LGI2: variants seen among roughly 807,000 people sequenced by gnomAD.
The protein encoded by LGI2 is leucine-rich repeat LGI family member 2.
In LGI2, 30 loss-of-function variants were observed where a neutral mutation model predicts 52.0. The ratio of observed to expected loss-of-function variants is 0.58; its 90% confidence interval spans 0.43 to 0.78. The LOEUF is 0.78. Among genes scored for constraint, LGI2 ranks in the 30% least tolerant of loss-of-function variants. The pLI, the probability that LGI2 is intolerant of heterozygous loss-of-function variation, is 0.00. For synonymous variants in LGI2, 270 were observed against 271.8 expected, an observed-to-expected ratio of 0.99 and a Z score of 0.06; for missense variants, 573 against 692.5, an observed-to-expected ratio of 0.83 and a Z score of 1.94.
At chr4:25,005,084 C>A (rs1725358188) in intron 7 of LGI2, among the ~76,000 whole-genome samples, 1 of 152,070 alleles carries the variant, frequency 6.6e-6, no homozygotes, top group Admixed American at 6.6e-5. Flanking sequence ...GTACCTAGAG[C>A]AGTCAGATGC....
rs780659016 is a variant in LGI2, at chr4:25,004,086, C to T, written c.1003G>A (p.Asp335Asn). The T allele has an allele frequency of 1.7e-5, 27 of 1,614,130 alleles. No individual in the cohort carries two copies. Among genetic ancestry groups the T allele is most frequent in the Non-Finnish European group, 2.0e-5 (24 of 1,180,036 alleles). Reference sequence around the variant, plus strand: ...GCGATGACAAAGAACGTCTCGTCGTCGATCTGAAACAGCTCGATGTCATTG... The same window carrying T: ...GCGATGACAAAGAACGTCTCGTCGTTGATCTGAAACAGCTCGATGTCATTG... ...KPNDIELFQI[D>N]DETFFVIADS... Residue 335 changes from aspartate to asparagine, a missense_variant, in exon 8 of 8, where the codon GAC (aspartate) becomes AAC (asparagine). Coordinates refer to ENST00000382114, the MANE Select transcript of LGI2 (RefSeq NM_018176.4). The surrounding 1 kb of genome is among the most constrained non-coding windows in gnomAD (Gnocchi z 4.6).
downstream of LGI2, among the ~76,000 whole-genome samples, chr4:24,994,783 C>T (rs17406815): frequency 0.12 from 18,730 of 152,090 alleles, 1,243 homozygotes; most frequent in South Asian, 0.26. Context: ...GGCAGAGAAT[C>T]GGGGCTTGTG....
downstream of LGI2, among the ~76,000 whole-genome samples, chr4:24,994,508 A>C (rs1441690856): frequency 1.3e-5 from 2 of 152,206 alleles, no homozygotes; most frequent in Non-Finnish European, 2.9e-5. Context: ...CTATAGGTGC[A>C]ATGAGGTGAA....
At position 25,003,775 on chromosome 4, in the gene LGI2, G is replaced by C. The variant is rs997053037; in HGVS notation, c.1314C>G (p.Arg438=). 4 of 1,614,042 alleles carry C rather than the reference G, an allele frequency of 2.5e-6. No homozygotes were observed. In the African/African-American group the frequency reaches 5.3e-5, roughly 22 times the overall value. Residue 438 remains arginine (R), a synonymous_variant, in exon 8 of 8, where the codon CGC becomes CGG. Coordinates refer to ENST00000382114, the MANE Select transcript of LGI2 (RefSeq NM_018176.4). ...MQNTLYLSLT[R]FIGDSRVMRW... ...TCATGACCCGGGAGTCCCCGATGAA[G>C]CGGGTAAGGGAAAGGTAGAGGGTAT... is the stretch of plus-strand genomic sequence containing the variant.
At chr4:25,012,542 C>T (rs781482684) in intron 6 of LGI2, 43 bp from the exon 7 acceptor site, 1 of 1,596,398 alleles carries the variant, frequency 6.3e-7, no homozygotes, top group African/African-American at 1.3e-5. Context: ...ATAAAATCTC[C>T]TGTAGGGATT....
Position 25,004,413 on chromosome 4 carries a change from C to T in LGI2, c.821-145G>A. 1 of 728,026 alleles carries T rather than the reference C, an allele frequency of 1.4e-6. No individual in the cohort carries two copies. The allele number at this position is 728,026 out of a possible 1,614,324, so 45.1% of individuals were successfully genotyped here. A position where few individuals can be genotyped will look rare whatever the true frequency, so the allele number is the denominator to read the frequency against. Reference sequence around the variant, plus strand: ...TATGGTGGTTCCTTGAAAAATTAAACATGGAATTACCCTATGAGCCAGCAA... The same window carrying T: ...TATGGTGGTTCCTTGAAAAATTAAATATGGAATTACCCTATGAGCCAGCAA... On this transcript the variant is annotated intron_variant, in intron 7 of 7. Coordinates refer to ENST00000382114, the MANE Select transcript of LGI2 (RefSeq NM_018176.4). The surrounding 1 kb of genome is among the most constrained non-coding windows in gnomAD (Gnocchi z 4.6).
Position 25,000,212 on chromosome 4 carries a change from A to C in LGI2, c.*3239T>G, listed in dbSNP as rs140424149. 11 of 171,088 alleles carry C rather than the reference A, an allele frequency of 6.4e-5. No individual in the cohort carries two copies. The East Asian group carries it at 1.8e-3, about 28-fold the overall frequency. 10.6% of individuals were successfully genotyped at this position (171,088 alleles called of 1,614,324 possible). A position where few individuals can be genotyped will look rare whatever the true frequency, so the allele number is the denominator to read the frequency against. On this transcript the variant is annotated 3_prime_UTR_variant, in exon 8 of 8. Transcript: ENST00000382114. ...TTATCTCAAGGTGCTGCCAAATTCA[A>C]AATCATGCTAGAAATGAAAGTCTTT... is the stretch of plus-strand genomic sequence containing the variant.
intron 2 of LGI2, 59 bp downstream of exon 2, chr4:25,028,448 C>A (rs1408741380): frequency 6.7e-7 from 1 of 1,493,342 alleles, no homozygotes; most frequent in Non-Finnish European, 9.3e-7. Flanking sequence ...GCAGAGACGG[C>A]CCTCCAAGGA....
chr4:25,012,426 G>A lies in LGI2; in HGVS notation c.729C>T (p.Tyr243=), dbSNP rs34079294. The part of the protein sequence containing the change: ...VDTFNSKNDV[Y]VAIAQPSMEN... ...CCATGCTGGGCTGCGCGATGGCCAC[G>A]TACACATCGTTCTTGGAGTTGAACG... The change falls in exon 7 of 8, where the codon TAC becomes TAT. Residue 243 remains tyrosine (Y), a synonymous_variant. Coordinates refer to ENST00000382114, the MANE Select transcript of LGI2 (RefSeq NM_018176.4). The A allele has an allele frequency of 5.8e-3, 9,344 of 1,614,244 alleles. 42 individuals carry two copies. Among genetic ancestry groups the A allele is most frequent in the Non-Finnish European group, 6.7e-3 (7,943 of 1,180,038 alleles).
At chr4:25,024,103 C>T (rs1726064275) in intron 4 of LGI2, among the ~76,000 whole-genome samples, 2 of 152,256 alleles carry the variant, frequency 1.3e-5, no homozygotes, top group South Asian at 2.1e-4. Flanking sequence ...TCATCTAAGC[C>T]TTGGTTCCAA....
chr4:25,004,193 C>G lies in LGI2; in HGVS notation c.896G>C (p.Gly299Ala). 6.2e-7 allele frequency: 1 copy of G among 1,614,108 alleles called. No individual in the cohort carries two copies. The highest frequency in any genetic ancestry group is 2.2e-5 in the East Asian group (1 of 44,888). The change falls in exon 8 of 8, where the codon GGC becomes GCC. Residue 299 changes from glycine (G) to alanine (A), a missense_variant. Coordinates refer to ENST00000382114, the MANE Select transcript of LGI2 (RefSeq NM_018176.4). The surrounding 1 kb of genome is among the most constrained non-coding windows in gnomAD (Gnocchi z 4.6). ...CTCGTCGTATTTGTAAATGTGAGAG[C>G]CACCGAAGAGCTGGGCTACCACCAC... is the stretch of plus-strand genomic sequence containing the variant. ...VFVVVAQLFG[G>A]SHIYKYDESW...
rs550377439 is a variant in LGI2 at position 25,015,876 on chromosome 4, G to A, written c.655+2113C>T. On this transcript the variant is annotated intron_variant, in intron 6 of 7. Coordinates refer to ENST00000382114, the MANE Select transcript of LGI2 (RefSeq NM_018176.4). ...AACTTTGTTGTACCATTTTTTTCCCGATGGAAGAAACTGTCAGCAAGAGCC... is the reference window on the plus strand; with the variant it reads ...AACTTTGTTGTACCATTTTTTTCCCAATGGAAGAAACTGTCAGCAAGAGCC... 4.6e-5 allele frequency among the ~76,000 whole-genome samples: 7 copies of A among 152,196 alleles called. No individual in the cohort carries two copies. In the East Asian group the frequency reaches 7.7e-4, roughly 17 times the overall value.
In LGI2 at chr4:25,019,238, AC is replaced by A; in HGVS notation, c.414-1del. On this transcript the variant is annotated splice_acceptor_variant, in intron 4 of 7. Transcript: ENST00000382114. LOFTEE classifies it high-confidence loss of function. Reference sequence around the variant, plus strand: ...CTTTTATGTGGTTATTGGCCAAAGAACTAGAACAAGAAAGTCACATTGCAAT... The same window carrying A: ...CTTTTATGTGGTTATTGGCCAAAGAATAGAACAAGAAAGTCACATTGCAAT... The A allele has an allele frequency of 6.2e-7, 1 of 1,601,580 alleles. No individual in the cohort carries two copies. Among genetic ancestry groups the A allele is most frequent in the Non-Finnish European group, 8.5e-7 (1 of 1,170,906 alleles).
chr4:25,026,027 G>A (rs942249595), intron 3 of LGI2, among the ~76,000 whole-genome samples: 39 of 152,056 alleles, frequency 2.6e-4, no homozygotes, highest in African/African-American at 8.4e-4. Flanking sequence ...CACATATTAT[G>A]TATACTCTGG....
Position 24,999,084 on chromosome 4 carries a change from A to G in LGI2, c.*4367T>C, listed in dbSNP as rs931114753. On this transcript the variant is annotated 3_prime_UTR_variant, in exon 8 of 8. Transcript: ENST00000382114. ...ACCAAATAGCATATTGGCCTATTTT[A>G]TCACAATTCTTATACATTCCTGATA... 3 of 152,348 alleles carry G rather than the reference A, an allele frequency of 2.0e-5. No homozygotes were observed. Among genetic ancestry groups the G allele is most frequent in the Non-Finnish European group, 4.4e-5 (3 of 68,036 alleles). The allele number at this position is 152,348 out of a possible 1,614,324, so 9.4% of individuals were successfully genotyped here.
Position 25,030,749 on chromosome 4 carries a change from G to T in LGI2, c.-56C>A. On this transcript the variant is annotated 5_prime_UTR_variant, in exon 1 of 8. Coordinates refer to ENST00000382114, the MANE Select transcript of LGI2 (RefSeq NM_018176.4). ...ACCCCCACCGCCGCGCCGCGCGCTC[G>T]GACCCGGCGCCGCTGCAGACGCGGG... 9.7e-7 allele frequency: 1 copy of T among 1,027,984 alleles called. No homozygotes were observed. The highest frequency in any genetic ancestry group is 1.2e-6 in the Non-Finnish European group (1 of 844,214). 63.7% of individuals were successfully genotyped at this position (1,027,984 alleles called of 1,614,324 possible). A position where few individuals can be genotyped will look rare whatever the true frequency, so the allele number is the denominator to read the frequency against.
chr4:25,004,021 C>G lies in LGI2; in HGVS notation c.1068G>C (p.Trp356Cys). The G allele has an allele frequency of 6.2e-7, 1 of 1,614,170 alleles. No homozygotes were observed. ...GGTAAGAATAGAATCCTTTGCTGTT[C>G]CATTTATAAACTGTGGACAGACCAG... ...SKAGLSTVYK[W>C]NSKGFYSYQS... Residue 356 changes from tryptophan to cysteine, a missense_variant, in exon 8 of 8, where the codon TGG (tryptophan) becomes TGC (cysteine). By Grantham distance (215) the Trp-to-Cys change is radical. Transcript: ENST00000382114. The surrounding 1 kb of genome is among the most constrained non-coding windows in gnomAD (Gnocchi z 4.6).
rs1352970232 is a variant in LGI2, at chr4:25,000,296, G to C, written c.*3155C>G. ...AAAATACAATGTCTGCTGATCAGAG[G>C]GAAAGTTATTGCTTTGCCAGTCCCT... On this transcript the variant is annotated 3_prime_UTR_variant, in exon 8 of 8. Transcript: ENST00000382114. 6.5e-6 allele frequency: 1 copy of C among 153,054 alleles called. No individual in the cohort carries two copies. The highest frequency in any genetic ancestry group is 1.5e-5 in the Non-Finnish European group (1 of 68,700). 9.5% of individuals were successfully genotyped at this position (153,054 alleles called of 1,614,324 possible). A position where few individuals can be genotyped will look rare whatever the true frequency, so the allele number is the denominator to read the frequency against.
chr4:25,014,394 T>G lies in LGI2; in HGVS notation c.656-1895A>C, dbSNP rs530128844. On this transcript the variant is annotated intron_variant, in intron 6 of 7. Transcript: ENST00000382114. The stretch of plus-strand genomic sequence containing the variant: ...CATATAGTGGTTTCATAATATTTCC[T>G]ACATACTGATTATCTGGCATGACAC... Among the ~76,000 whole-genome samples, 5 of 152,292 alleles carry G rather than the reference T, an allele frequency of 3.3e-5. No homozygotes were observed. In the South Asian group the frequency reaches 1.0e-3, roughly 32 times the overall value.
Sources: allele counts gnomAD v4.1 joint callset (sites outside exome capture counted in the v4.1 genomes callset), GRCh38; gene constraint gnomAD v4.1.1; non-coding constraint Gnocchi (gnomAD v3.1); transcripts MANE v1.5; gene names NCBI Gene and HGNC (gene_info 2026-07-23, HGNC 2026-07-21).